The following GALK2 variants were observed in gnomAD, a reference collection of about 807,000 sequenced individuals.
The protein encoded by GALK2 is N-acetylgalactosamine kinase.
A neutral mutation model predicts 52.4 loss-of-function variants in GALK2; 36 were observed. That is an observed-to-expected ratio of 0.69 (90% CI 0.53 to 0.91). The LOEUF (loss-of-function observed/expected upper bound fraction) is 0.91. Among genes scored for constraint, GALK2 ranks in the 40% least tolerant of loss-of-function variants. GALK2 has a pLI of 0.00. For synonymous variants in GALK2, 176 were observed against 199.1 expected (o/e 0.88, Z 0.98); for missense variants, 579 against 559.1 (o/e 1.04, Z -0.36).
intron 3 of GALK2, chr15:49,366,569 T>G: frequency 6.3e-7 from 1 of 1,597,134 alleles, no homozygotes; most frequent in Non-Finnish European, 8.6e-7. Context: ...GCAGTAGTCC[T>G]TGGATGTGCC....
At chr15:49,344,008 T>C (rs2041117448) in intron 3 of GALK2, 1 of 152,236 alleles carries the variant, frequency 6.6e-6, no homozygotes, top group African/African-American at 2.4e-5. Context: ...ATAGTAATAT[T>C]TTTTATCATT....
At chr15:49,247,630 G>T (rs544520127) in intron 5 of GALK2, among the ~76,000 whole-genome samples, 11 of 152,172 alleles carry the variant, frequency 7.2e-5, no homozygotes, top group Admixed American at 7.2e-4. Flanking sequence ...GTTAAACAGG[G>T]ACAGTTTCAA....
intron 3 of GALK2, among the ~76,000 whole-genome samples, chr15:49,357,378 C>T (rs1267544679): frequency 1.6e-4 from 23 of 147,892 alleles, no homozygotes; most frequent in South Asian, 6.5e-4. Context: ...ATCAAATAGA[C>T]GCAATAAAAA....
At chr15:49,249,497 A>G (rs1163611160) in intron 5 of GALK2, among the ~76,000 whole-genome samples, 2 of 152,196 alleles carry the variant, frequency 1.3e-5, no homozygotes, top group Non-Finnish European at 2.9e-5. Flanking sequence ...GACCTTCCTG[A>G]TAGGAGATTT....
At chr15:49,165,869 C>T (rs1384555094), upstream of GALK2, among the ~76,000 whole-genome samples, 2 of 148,932 alleles carry the variant, frequency 1.3e-5, no homozygotes, top group African/African-American at 5.0e-5. Flanking sequence ...GTGGTGCCAT[C>T]TCCGCTCACT....
chr15:49,219,210 G>A (rs1237436759), intron 3 of GALK2, among the ~76,000 whole-genome samples: 1 of 152,130 alleles, frequency 6.6e-6, no homozygotes, highest in Non-Finnish European at 1.5e-5. Flanking sequence ...ACGTGTCCTG[G>A]GAGGAACCTG....
At chr15:49,192,777 A>T (rs2086866553) in intron 1 of GALK2, among the ~76,000 whole-genome samples, 1 of 151,672 alleles carries the variant, frequency 6.6e-6, no homozygotes, top group Admixed American at 6.6e-5. Flanking sequence ...TCTATCTAAA[A>T]GTTAAGGCTG....
intron 1 of GALK2, among the ~76,000 whole-genome samples, chr15:49,181,243 A>G (rs1307663267): frequency 1.3e-5 from 2 of 151,634 alleles, no homozygotes; most frequent in Admixed American, 6.6e-5. Flanking sequence ...AGCTAGGACT[A>G]CAGGCATGCA....
At chr15:49,350,644 A>G (rs1451783820) in intron 3 of GALK2, among the ~76,000 whole-genome samples, 2 of 152,158 alleles carry the variant, frequency 1.3e-5, no homozygotes, top group African/African-American at 4.8e-5. Flanking sequence ...CAGAACCCCT[A>G]TGAGGGTACT....
chr15:49,250,716 C>A (rs1450434401), intron 5 of GALK2, among the ~76,000 whole-genome samples: 1 of 152,068 alleles, frequency 6.6e-6, no homozygotes, highest in Non-Finnish European at 1.5e-5. Context: ...TGAGGTCCAG[C>A]CCTAACATTC....
chr15:49,163,199 G>C lies in GALK2; in HGVS notation c.20+7183G>C, dbSNP rs377332818. 8.5e-5 allele frequency among the ~76,000 whole-genome samples: 13 copies of C among 152,346 alleles called. No homozygotes were observed. The East Asian group carries it at 1.5e-3, about 18-fold the overall frequency. ...TAGCTACTCTAGCAGGAATGTAGCA[G>C]TATACTATTGTAGTTTTAATTTGCA... On this transcript the variant is annotated intron_variant, in intron 1 of 9. Transcript: ENST00000327171.
chr15:49,358,929 C>A (rs1243824515), intron 3 of GALK2, among the ~76,000 whole-genome samples: 1 of 144,072 alleles, frequency 6.9e-6, no homozygotes, highest in Admixed American at 6.9e-5. Flanking sequence ...TCAGAAATAA[C>A]GCCGCATATC....
chr15:49,210,973 T>TCACACACACACACACACACA (rs3075099), intron 2 of GALK2, among the ~76,000 whole-genome samples: 39 of 146,648 alleles, frequency 2.7e-4, no homozygotes, highest in African/African-American at 8.6e-4. Context: ...ACACACACAC[T>TCACACACACACACACACACA]CACACACACA....
intron 1 of GALK2, among the ~76,000 whole-genome samples, chr15:49,182,984 C>T (rs2086083429): frequency 6.6e-6 from 1 of 151,988 alleles, no homozygotes; most frequent in Admixed American, 6.5e-5. Flanking sequence ...AGCTTTTTAA[C>T]TTGATGTGAT....
intron 5 of GALK2, among the ~76,000 whole-genome samples, chr15:49,259,276 G>A (rs1013400339): frequency 1.3e-5 from 2 of 151,090 alleles, no homozygotes; most frequent in African/African-American, 4.9e-5. Flanking sequence ...CCATGCTGTT[G>A]TGCTGCACCC....
At position 49,239,249 on chromosome 15, in the gene GALK2, G is replaced by T. The variant is rs1241195039; in HGVS notation, c.386G>T (p.Gly129Val). ...QEHFGLSNLT[G>V]MNCLVDGNIP... The stretch of plus-strand genomic sequence containing the variant: ...CACTTTGGTCTTAGTAACCTGACTG[G>T]AATGAACTGCCTGGTAGATGGAAAT... The change falls in exon 5 of 10, where the codon GGA becomes GTA. Residue 129 changes from glycine (G) to valine (V), a missense_variant. Coordinates refer to ENST00000560031, the MANE Select transcript of GALK2 (RefSeq NM_002044.4). 1.9e-6 allele frequency: 3 copies of T among 1,613,942 alleles called. No individual in the cohort carries two copies.
chr15:49,339,728 G>A lies in GALK2; in HGVS notation c.426+19923G>A, dbSNP rs376533329. On this transcript the variant is annotated intron_variant, in intron 3 of 3. Transcript: ENST00000558399. ...GTTTGCTGAAGCTGTGCCTACAACC[G>A]CCCCTTGCCCCACGTGCTCTGTCCC... Among the ~76,000 whole-genome samples the A allele has an allele frequency of 5.3e-5, 8 of 152,236 alleles. No individual in the cohort carries two copies. In the East Asian group the frequency reaches 7.7e-4, roughly 15 times the overall value.
At chr15:49,334,521 C>T (rs1234336179), downstream of GALK2, among the ~76,000 whole-genome samples, 4 of 152,174 alleles carry the variant, frequency 2.6e-5, no homozygotes, top group Non-Finnish European at 5.9e-5. Flanking sequence ...TGGACTCCAC[C>T]TTCTGCTACC....
At chr15:49,354,875 G>C (rs1476545760) in intron 3 of GALK2, among the ~76,000 whole-genome samples, 2 of 152,002 alleles carry the variant, frequency 1.3e-5, no homozygotes, top group African/African-American at 2.4e-5. Flanking sequence ...GGTTCTCCCA[G>C]CATGCAGCTG....
Sources: allele counts gnomAD v4.1 joint callset (sites outside exome capture counted in the v4.1 genomes callset), GRCh38; gene constraint gnomAD v4.1.1; transcripts MANE v1.5; gene names NCBI Gene and HGNC (gene_info 2026-07-23, HGNC 2026-07-21).